ELAC2: variants seen among roughly 807,000 people sequenced by gnomAD.
ELAC2 encodes the protein zinc phosphodiesterase ELAC protein 2.
A neutral mutation model predicts 105.2 loss-of-function variants in ELAC2; 92 were observed. The ratio of observed to expected loss-of-function variants is 0.87; its 90% CI spans 0.74 to 1.04. The LOEUF (loss-of-function observed/expected upper bound fraction) is 1.04. ELAC2 is among the 50% of genes least tolerant of loss of function. The probability of loss-of-function intolerance (pLI) is 0.00; values close to 1 mark genes in which losing one functional copy is unlikely to be tolerated. For synonymous variants in ELAC2, 468 were observed against 409.1 expected, an observed-to-expected ratio of 1.14 and a Z score of -1.74; for missense variants, 1,099 against 1,071.7, an observed-to-expected ratio of 1.03 and a Z score of -0.36.
At chr17:12,995,914 G>T in intron 18 of ELAC2, 26 bp downstream of exon 18, 1 of 1,589,060 alleles carries the variant, frequency 6.3e-7, no homozygotes, top group Non-Finnish European at 8.6e-7. Context: ...CTGAAACTCA[G>T]AACGCCCATC....
At chr17:13,014,316 T>G in intron 5 of ELAC2, 123 bp downstream of exon 5, 2 of 602,916 alleles carry the variant, frequency 3.3e-6, no homozygotes, top group Non-Finnish European at 5.9e-6. Flanking sequence ...AAAAAAAATC[T>G]CGTGGTGATG....
chr17:13,014,065 G>A (rs955416756), intron 5 of ELAC2, among the ~76,000 whole-genome samples: 13 of 152,154 alleles, frequency 8.5e-5, no homozygotes, highest in Admixed American at 2.6e-4. Context: ...AGGCTGAGGC[G>A]GGCAGATCAC....
intron 5 of ELAC2, 37 bp downstream of exon 5, chr17:13,014,402 A>G: frequency 6.5e-7 from 1 of 1,534,438 alleles, no homozygotes; most frequent in Non-Finnish European, 9.0e-7. Flanking sequence ...TATATAAGTT[A>G]GAAATAGCAG....
intron 3 of ELAC2, among the ~76,000 whole-genome samples, chr17:13,016,361 C>A (rs1431463517): frequency 6.6e-6 from 1 of 152,206 alleles, no homozygotes; most frequent in East Asian, 1.9e-4. Context: ...TTTACTGCCA[C>A]AAATCTCTGT....
intron 8 of ELAC2, among the ~76,000 whole-genome samples, chr17:13,010,405 G>A (rs931292683): frequency 3.9e-5 from 6 of 152,174 alleles, no homozygotes; most frequent in South Asian, 2.1e-4. Flanking sequence ...TCCTGACCTC[G>A]TGATCCACCT....
In ELAC2 at chr17:12,991,863, ACTTAC is replaced by A. The variant is rs2040178726; in HGVS notation, c.*950_*954del. 7.9e-6 allele frequency among the ~76,000 whole-genome samples: 1 copy of A among 126,708 alleles called. No homozygotes were observed. Among genetic ancestry groups the A allele is most frequent in the Non-Finnish European group, 1.9e-5 (1 of 52,052 alleles). 83.1% of individuals were successfully genotyped at this position (126,708 alleles called of 152,430 possible). ...CTAGATTCAACTTACTTACTTACTTACTTACTTTACTTACTTACTTCCTTGGAAAA... is the reference window on the plus strand; with the variant it reads ...CTAGATTCAACTTACTTACTTACTTATTTACTTACTTACTTCCTTGGAAAA... On this transcript the variant is annotated 3_prime_UTR_variant, in exon 24 of 24. Coordinates refer to ENST00000338034, the MANE Select transcript of ELAC2 (RefSeq NM_018127.7).
chr17:13,013,383 G>A, intron 5 of ELAC2, 108 bp from the exon 6 acceptor site: 1 of 1,186,042 alleles, frequency 8.4e-7, no homozygotes, highest in South Asian at 1.3e-5. Context: ...CAGAATTATG[G>A]TGGGAATCTG....
Position 13,004,992 on chromosome 17 carries a change from T to C in ELAC2, c.980A>G (p.Gln327Arg). 2 of 1,612,974 alleles carry C rather than the reference T, an allele frequency of 1.2e-6. No individual in the cohort carries two copies. Among genetic ancestry groups the C allele is most frequent in the South Asian group, 2.2e-5 (2 of 91,058 alleles). Residue 327 changes from glutamine (Q) to arginine (R), a missense_variant, in exon 11 of 24, where the codon CAG becomes CGG. Physicochemically the swap from Gln to Arg is conservative, Grantham distance 43. Transcript: ENST00000338034. ...IQPICENATF[Q>R]RYQGKADAPV... ...CACCCTAGAGACCCCTCATTACCTCTGAAAGGTGGCATTCTCACAGATGGG... is the reference window on the plus strand; with the variant it reads ...CACCCTAGAGACCCCTCATTACCTCCGAAAGGTGGCATTCTCACAGATGGG...
At chr17:13,015,649 C>T (rs1020091838) in intron 4 of ELAC2, 119 bp downstream of exon 4, 13 of 800,700 alleles carry the variant, frequency 1.6e-5, no homozygotes, top group African/African-American at 1.0e-4. Flanking sequence ...AAAGGGGAAG[C>T]GTTTCAACGA....
chr17:12,991,853 T>G lies in ELAC2; in HGVS notation c.*965A>C, dbSNP rs1252468044. Among the ~76,000 whole-genome samples the G allele has an allele frequency of 6.8e-6, 1 of 147,336 alleles. No individual in the cohort carries two copies. The highest frequency in any genetic ancestry group is 2.5e-5 in the African/African-American group (1 of 40,742). On this transcript the variant is annotated 3_prime_UTR_variant, in exon 24 of 24. Transcript: ENST00000338034. ...ACAATAAATACTAGATTCAACTTAC[T>G]TACTTACTTACTTACTTTACTTACT...
chr17:12,992,199 A>AAAG lies in ELAC2; in HGVS notation c.*616_*618dup, dbSNP rs2040217483. 6.6e-6 allele frequency among the ~76,000 whole-genome samples: 1 copy of AAAG among 151,722 alleles called. No homozygotes were observed. Among genetic ancestry groups the AAAG allele is most frequent in the Non-Finnish European group, 1.5e-5 (1 of 68,030 alleles). On this transcript the variant is annotated 3_prime_UTR_variant, in exon 24 of 24. Transcript: ENST00000338034. ...GAGCTGGCACAGCTCGAGTTGTCAA[A>AAAG]AAGACTTGGCGAATAAGGGTGGCTC...
Position 13,005,955 on chromosome 17 carries a change from A to C in ELAC2, c.763T>G (p.Leu255Val). 1 of 1,614,230 alleles carries C rather than the reference A, an allele frequency of 6.2e-7. No individual in the cohort carries two copies. Among genetic ancestry groups the C allele is most frequent in the Non-Finnish European group, 8.5e-7 (1 of 1,180,050 alleles). Residue 255 changes from leucine to valine, a missense_variant, in exon 9 of 24, where the codon TTG becomes GTG. Physicochemically the swap from Leu to Val is conservative, Grantham distance 32 (BLOSUM62 1). Transcript: ENST00000338034. ...CKLHLKRGNF[L>V]VLKAKEMGLP... ...CCCATCTCCTTTGCTTTGAGCACCA[A>C]GAAGTTTCCTCTCTTTAAGTGAAGC...
At chr17:13,004,338 G>A (rs899148977) in intron 11 of ELAC2, among the ~76,000 whole-genome samples, 3 of 152,124 alleles carry the variant, frequency 2.0e-5, no homozygotes, top group Non-Finnish European at 2.9e-5. Context: ...AAAAGGATTT[G>A]TTGTGGTAAG....
chr17:13,004,826 CCCA>C (rs2041017575), intron 11 of ELAC2, among the ~76,000 whole-genome samples, 160 bp downstream of exon 11: 1 of 152,178 alleles, frequency 6.6e-6, no homozygotes. Context: ...TACACCGGAG[CCCA>C]CCAACTACCA....
rs767879725 is a variant in ELAC2 at position 13,017,860 on chromosome 17, C to A, written c.88G>T (p.Glu30Ter). 5.8e-6 allele frequency: 9 copies of A among 1,559,774 alleles called. No homozygotes were observed. In the Admixed American group the frequency reaches 1.7e-4, roughly 30 times the overall value. ...RTISQAPARRERPRKDPLRHL... is the reference protein window; with the variant it reads ...RTISQAPARR ...CGCAGCGGGTCCTTGCGCGGCCGCT[C>A]GCGGCGGGCGGGTGCCTGCGATATG... Residue 30 changes from glutamate (E) to a stop codon, truncating the protein, a stop_gained, in exon 1 of 24, where the codon GAG (glutamate) becomes TAG (stop). Coordinates refer to ENST00000338034, the MANE Select transcript of ELAC2 (RefSeq NM_018127.7). LOFTEE classifies it high-confidence loss of function.
Position 13,000,280 on chromosome 17 carries a change from GGAA to G in ELAC2, c.1305-9_1305-7del. 6.2e-7 allele frequency: 1 copy of G among 1,613,186 alleles called. No homozygotes were observed. Among genetic ancestry groups the G allele is most frequent in the Non-Finnish European group, 8.5e-7 (1 of 1,179,336 alleles). The stretch of plus-strand genomic sequence containing the variant: ...TGCAAGTAATAATGGCATCCCTGCA[GGAA>G]GAGAGAGAAGCATCTCAGGTGACGG... On this transcript the variant is annotated splice_polypyrimidine_tract_variant and splice_region_variant and intron_variant, in intron 14 of 23. Coordinates refer to ENST00000338034, the MANE Select transcript of ELAC2 (RefSeq NM_018127.7).
intron 17 of ELAC2, 51 bp downstream of exon 17, chr17:12,996,496 G>T: frequency 6.2e-7 from 1 of 1,612,198 alleles, no homozygotes; most frequent in Non-Finnish European, 8.5e-7. Context: ...CCAACTCAAC[G>T]TGGCAGTGCC....
chr17:13,016,038 C>T (rs535596983), intron 3 of ELAC2, among the ~76,000 whole-genome samples: 2 of 152,176 alleles, frequency 1.3e-5, no homozygotes, highest in Non-Finnish European at 2.9e-5. Context: ...CTAGAATGGG[C>T]TGAGCTGTCA....
rs372768212 is a variant in ELAC2, at chr17:13,009,918, G to A, written c.738+695C>T. 7.4e-4 allele frequency among the ~76,000 whole-genome samples: 111 copies of A among 149,128 alleles called. No individual in the cohort carries two copies. The East Asian group carries it at 0.013, about 18-fold the overall frequency. ...GCAGGAGAATCACTTGAACCTGGGA[G>A]GTGGAGGCTGCAGTGAGCCGAGATT... is the stretch of plus-strand genomic sequence containing the variant. On this transcript the variant is annotated intron_variant, in intron 8 of 23. Transcript: ENST00000338034.
Sources: allele counts gnomAD v4.1 joint callset (sites outside exome capture counted in the v4.1 genomes callset), GRCh38; gene constraint gnomAD v4.1.1; transcripts MANE v1.5; gene names NCBI Gene and HGNC (gene_info 2026-07-23, HGNC 2026-07-21).